EHBP1: variants seen among roughly 807,000 people sequenced by gnomAD.
The protein encoded by EHBP1 is EH domain-binding protein 1.
A neutral mutation model predicts 144.0 loss-of-function variants in EHBP1; 55 were observed. The ratio of observed to expected loss-of-function variants is 0.38; its 90% CI spans 0.31 to 0.48. The LOEUF (loss-of-function observed/expected upper bound fraction) is 0.48, where lower values mean the gene tolerates loss of function less well. Among genes scored for constraint, EHBP1 ranks in the 20% least tolerant of loss-of-function variants. EHBP1 has a pLI of 0.98. For synonymous variants in EHBP1, 469 were observed against 472.7 expected (o/e 0.99, Z 0.10); for missense variants, 1,200 against 1,364.2 (o/e 0.88, Z 1.90).
intron 5 of EHBP1, among the ~76,000 whole-genome samples, chr2:62,818,870 A>G (rs903236189): frequency 1.8e-4 from 28 of 152,326 alleles, no homozygotes; most frequent in African/African-American, 5.8e-4. Context: ...GCAGAGATCA[A>G]TGTAATAAAA....
intron 5 of EHBP1, among the ~76,000 whole-genome samples, chr2:62,824,803 T>C (rs2046232552): frequency 6.6e-6 from 1 of 152,022 alleles, no homozygotes; most frequent in African/African-American, 2.4e-5. Context: ...TCAGGGTTTT[T>C]TTTAAAGGCT....
intron 10 of EHBP1, among the ~76,000 whole-genome samples, chr2:62,887,628 T>A (rs1260773535): frequency 6.6e-6 from 1 of 150,704 alleles, no homozygotes; most frequent in Admixed American, 6.6e-5. Flanking sequence ...TAGTCCCAGC[T>A]ACTCAGGAGA....
chr2:62,850,409 T>A (rs1473043152), intron 7 of EHBP1, among the ~76,000 whole-genome samples: 2 of 152,136 alleles, frequency 1.3e-5, no homozygotes, highest in Non-Finnish European at 2.9e-5. Context: ...TGTGATAATC[T>A]CTGGTGGTCA....
At chr2:62,771,599 A>G (rs945411624) in intron 5 of EHBP1, 4 of 393,556 alleles carry the variant, frequency 1.0e-5, no homozygotes, top group African/African-American at 6.3e-5. Flanking sequence ...TAAGTCTTCA[A>G]TACTAAATTG....
chr2:62,910,443 C>T (rs1040278076), intron 10 of EHBP1, among the ~76,000 whole-genome samples: 5 of 152,066 alleles, frequency 3.3e-5, no homozygotes, highest in Admixed American at 1.3e-4. Flanking sequence ...CTTAAACCAT[C>T]GTGTTAAATT....
At chr2:62,854,759 C>T (rs951754966) in intron 7 of EHBP1, among the ~76,000 whole-genome samples, 8 of 152,152 alleles carry the variant, frequency 5.3e-5, no homozygotes, top group South Asian at 4.1e-4. Context: ...ATGATGGCAG[C>T]GGTGGGCCGT....
At chr2:62,782,382 G>A (rs939773786) in intron 5 of EHBP1, among the ~76,000 whole-genome samples, 1 of 152,180 alleles carries the variant, frequency 6.6e-6, no homozygotes, top group African/African-American at 2.4e-5. Flanking sequence ...TGTATTCCTA[G>A]AGGTATCTGA....
chr2:62,874,917 A>T (rs2050761691), intron 10 of EHBP1, among the ~76,000 whole-genome samples: 1 of 151,948 alleles, frequency 6.6e-6, no homozygotes, highest in African/African-American at 2.4e-5. Flanking sequence ...GTGCACACAG[A>T]CCTCACCACC....
At chr2:62,724,979 A>T (rs753836773) in intron 2 of EHBP1, among the ~76,000 whole-genome samples, 12 of 152,126 alleles carry the variant, frequency 7.9e-5, no homozygotes, top group Non-Finnish European at 1.6e-4. Flanking sequence ...AAGATTGGGG[A>T]CTGCTGACCT....
intron 19 of EHBP1, among the ~76,000 whole-genome samples, chr2:63,024,664 T>A (rs2060899542): frequency 6.6e-6 from 1 of 152,040 alleles, no homozygotes; most frequent in Non-Finnish European, 1.5e-5. Flanking sequence ...GACCATTTGT[T>A]TTTACTCAAA....
chr2:62,875,885 C>A (rs889195558), intron 10 of EHBP1, among the ~76,000 whole-genome samples: 1 of 152,088 alleles, frequency 6.6e-6, no homozygotes, highest in Non-Finnish European at 1.5e-5. Flanking sequence ...GAAAGAATCT[C>A]AGAGCTTGGA....
At chr2:62,957,641 C>CTTTTTGTTTTTTTTTTTTTTTTT (rs2057769884) in intron 14 of EHBP1, among the ~76,000 whole-genome samples, 1 of 87,174 alleles carries the variant, frequency 1.1e-5, no homozygotes, top group African/African-American at 5.1e-5. Context: ...AAAATAAATG[C>CTTTTTGTTTTTTTTTTTTTTTTT]TTTTTTTTTT....
chr2:63,003,019 C>T (rs888755073), intron 19 of EHBP1, among the ~76,000 whole-genome samples: 1 of 151,920 alleles, frequency 6.6e-6, no homozygotes, highest in African/African-American at 2.4e-5. Flanking sequence ...GCATTCTGAA[C>T]TTTATTATAA....
intron 10 of EHBP1, among the ~76,000 whole-genome samples, chr2:62,889,624 G>A (rs1404261282): frequency 1.3e-5 from 2 of 152,160 alleles, no homozygotes; most frequent in Admixed American, 6.5e-5. Context: ...TGGCTAGCCA[G>A]TTATCACAGC....
intron 19 of EHBP1, among the ~76,000 whole-genome samples, chr2:63,022,376 G>A (rs183599565): frequency 1.0e-3 from 152 of 151,574 alleles, no homozygotes; most frequent in Non-Finnish European, 1.8e-3. Context: ...GTGCAATGGC[G>A]CAATCTCAGC....
At chr2:62,824,721 G>T (rs2046226719) in intron 5 of EHBP1, among the ~76,000 whole-genome samples, 1 of 151,848 alleles carries the variant, frequency 6.6e-6, no homozygotes, top group African/African-American at 2.4e-5. Context: ...GACAGATAAG[G>T]CCACATTTTA....
chr2:62,679,052 AG>A (rs1240671108), intron 1 of EHBP1, among the ~76,000 whole-genome samples: 1 of 152,206 alleles, frequency 6.6e-6, no homozygotes, highest in East Asian at 1.9e-4. Flanking sequence ...CAGCTCAGCT[AG>A]TGAGATACGG....
intron 15 of EHBP1, among the ~76,000 whole-genome samples, chr2:62,990,477 C>G (rs1027452137): frequency 2.6e-5 from 4 of 152,152 alleles, no homozygotes; most frequent in Admixed American, 6.5e-5. Context: ...GCATTAGCTA[C>G]TATTTAACTA....
At chr2:62,799,740 T>A (rs1039676923) in intron 5 of EHBP1, among the ~76,000 whole-genome samples, 1 of 152,096 alleles carries the variant, frequency 6.6e-6, no homozygotes, top group South Asian at 2.1e-4. Context: ...AACAACTCTT[T>A]AAAAAACAAC....
Sources: allele counts gnomAD v4.1 joint callset (sites outside exome capture counted in the v4.1 genomes callset), GRCh38; gene constraint gnomAD v4.1.1; transcripts MANE v1.5; gene names NCBI Gene and HGNC (gene_info 2026-07-23, HGNC 2026-07-21).